Variants in AOPEP observed in about 807,000 individuals in gnomAD.
AOPEP encodes the protein aminopeptidase O.
AOPEP carries 77 observed loss-of-function variants against 98.1 expected under a neutral mutation model. That is an observed-to-expected ratio of 0.78 (90% confidence interval 0.65 to 0.95). The LOEUF is 0.95. Among genes scored for constraint, AOPEP ranks in the 40% least tolerant of loss-of-function variants. The pLI, the probability that AOPEP is intolerant of heterozygous loss-of-function variation, is 0.00. For missense variants in AOPEP, 1,024 were observed against 1,024.7 expected (o/e 1.00, Z 0.01); for synonymous variants, 346 against 365.3 (o/e 0.95, Z 0.60).
intron 13 of AOPEP, among the ~76,000 whole-genome samples, chr9:95,041,544 T>C (rs1381418310): frequency 6.6e-6 from 1 of 151,548 alleles, no homozygotes; most frequent in African/African-American, 2.4e-5. Context: ...ATGTGTTGAA[T>C]TGAACACAAC....
At chr9:94,951,614 C>T (rs758740237) in intron 7 of AOPEP, among the ~76,000 whole-genome samples, 15 of 152,184 alleles carry the variant, frequency 9.9e-5, no homozygotes, top group African/African-American at 1.7e-4. Flanking sequence ...CAGTTAGAAA[C>T]GAATCTGGCT....
the AOPEP span, among the ~76,000 whole-genome samples, chr9:95,130,939 CTT>C: frequency 6.6e-6 from 1 of 152,152 alleles, no homozygotes; most frequent in Non-Finnish European, 1.5e-5. Flanking sequence ...CCATTTGCTT[CTT>C]TTCTATTTTC....
intron 7 of AOPEP, among the ~76,000 whole-genome samples, chr9:94,944,997 C>G (rs1231116700): frequency 1.3e-5 from 2 of 152,120 alleles, no homozygotes; most frequent in Non-Finnish European, 2.9e-5. Flanking sequence ...GGTTGATCAA[C>G]AATCATCTGG....
At chr9:94,941,909 A>G (rs1320705242) in intron 7 of AOPEP, among the ~76,000 whole-genome samples, 1 of 152,198 alleles carries the variant, frequency 6.6e-6, no homozygotes, top group Non-Finnish European at 1.5e-5. Context: ...CAAAGCACAT[A>G]GTAAGAAAAT....
chr9:95,012,632 GTT>G (rs1336775909), intron 13 of AOPEP, among the ~76,000 whole-genome samples: 3 of 152,052 alleles, frequency 2.0e-5, no homozygotes, highest in Admixed American at 2.0e-4. Flanking sequence ...GCCTGCCATT[GTT>G]TCCATTCATC....
At chr9:94,835,842 A>G (rs956199124) in intron 5 of AOPEP, among the ~76,000 whole-genome samples, 3 of 152,178 alleles carry the variant, frequency 2.0e-5, no homozygotes, top group Non-Finnish European at 2.9e-5. Context: ...ACCATGGTTC[A>G]AAGGCTCCTT....
At chr9:94,915,754 C>T (rs1008022786) in intron 5 of AOPEP, among the ~76,000 whole-genome samples, 3 of 152,200 alleles carry the variant, frequency 2.0e-5, no homozygotes, top group Non-Finnish European at 4.4e-5. Flanking sequence ...GCTTCCTGAC[C>T]CTACCTTGGA....
chr9:95,081,766 A>G (rs2069814924), intron 15 of AOPEP, among the ~76,000 whole-genome samples: 1 of 152,182 alleles, frequency 6.6e-6, no homozygotes, highest in Admixed American at 6.5e-5. Context: ...AAGGATCACC[A>G]TGTCTGGACT....
At chr9:95,100,211 G>C in the AOPEP span, 10 of 223,090 alleles carry the variant, frequency 4.5e-5, no homozygotes, top group South Asian at 1.8e-4. Flanking sequence ...CATGTTATAT[G>C]AAGGCAATGA....
chr9:94,857,328 A>G lies in AOPEP; in HGVS notation c.1364+56326A>G, dbSNP rs2044348722. Among the ~76,000 whole-genome samples, 3 of 152,250 alleles carry G rather than the reference A, an allele frequency of 2.0e-5. No homozygotes were observed. In the South Asian group the frequency reaches 6.2e-4, roughly 32 times the overall value. On this transcript the variant is annotated intron_variant, in intron 5 of 16. Coordinates refer to ENST00000375315, the MANE Select transcript of AOPEP (RefSeq NM_001193329.3). Reference sequence around the variant, plus strand: ...GTTTTAACTGCTGCGAATTCACCTCATGTATGTTCATCTTAAACTGCAGAG... The same window carrying G: ...GTTTTAACTGCTGCGAATTCACCTCGTGTATGTTCATCTTAAACTGCAGAG...
intron 13 of AOPEP, among the ~76,000 whole-genome samples, chr9:95,016,669 A>G (rs964597214): frequency 5.9e-5 from 9 of 151,458 alleles, no homozygotes; most frequent in Non-Finnish European, 8.8e-5. Flanking sequence ...CTTAAGTCCA[A>G]TGGCATGATT....
At chr9:94,819,718 G>T (rs955173272) in intron 5 of AOPEP, among the ~76,000 whole-genome samples, 1 of 151,880 alleles carries the variant, frequency 6.6e-6, no homozygotes, top group Non-Finnish European at 1.5e-5. Context: ...CTACAGGCAT[G>T]TGCCACCATG....
intron 13 of AOPEP, among the ~76,000 whole-genome samples, chr9:95,012,885 A>T (rs567456067): frequency 1.3e-4 from 18 of 138,576 alleles, no homozygotes; most frequent in African/African-American, 3.5e-4. Flanking sequence ...TGCATTAAAA[A>T]TTTTTTTTTC....
At chr9:94,945,746 A>G (rs187196478) in intron 7 of AOPEP, among the ~76,000 whole-genome samples, 157 of 152,322 alleles carry the variant, frequency 1.0e-3, no homozygotes, top group South Asian at 2.5e-3. Flanking sequence ...TTGGTGTTCA[A>G]AACGGGCTTC....
At chr9:95,016,966 C>T (rs2063053870) in intron 13 of AOPEP, among the ~76,000 whole-genome samples, 2 of 150,522 alleles carry the variant, frequency 1.3e-5, no homozygotes. Flanking sequence ...CTACAAGTCA[C>T]ATAGCTCATG....
Position 94,924,114 on chromosome 9 carries a change from AGTGGCTG to A in AOPEP, c.1494_1500del (p.Trp499ValfsTer30). ...ATCGGGGCCCGAGACTGGACGGAGG[AGTGGCTG>A]AGTGAAGGCTTCGCCACTCACTTGG... On this transcript the variant is annotated frameshift_variant, in exon 6 of 17. Coordinates refer to ENST00000375315, the MANE Select transcript of AOPEP (RefSeq NM_001193329.3). LOFTEE classifies it high-confidence loss of function. The A allele has an allele frequency of 6.6e-7, 1 of 1,506,726 alleles. No individual in the cohort carries two copies. Among genetic ancestry groups the A allele is most frequent in the South Asian group, 1.3e-5 (1 of 77,438 alleles). 93.3% of individuals were successfully genotyped at this position (1,506,726 alleles called of 1,614,324 possible). A position where few individuals can be genotyped will look rare whatever the true frequency, so the allele number is the denominator to read the frequency against.
chr9:94,728,239 GCACACACACACACA>G (rs78505500), intron 1 of AOPEP, among the ~76,000 whole-genome samples: 1 of 146,512 alleles, frequency 6.8e-6, no homozygotes, highest in South Asian at 2.2e-4. Flanking sequence ...GTGCGCGCAT[GCACACACACACACA>G]CACACACACA....
chr9:95,112,705 C>A, the AOPEP span, among the ~76,000 whole-genome samples: 2 of 152,226 alleles, frequency 1.3e-5, no homozygotes, highest in South Asian at 4.1e-4. Context: ...AGGTTGGCAG[C>A]GTGACTGGAT....
At chr9:95,135,688 A>G in the AOPEP span, 5 of 604,712 alleles carry the variant, frequency 8.3e-6, no homozygotes, top group Admixed American at 1.5e-4. Flanking sequence ...TAATGTGAAT[A>G]TGCTTCCACT....
Sources: gnomAD v4.1 joint callset for allele counts (sites outside exome capture counted in the v4.1 genomes callset) on GRCh38, gnomAD v4.1.1 for gene constraint, MANE v1.5 for transcripts, NCBI Gene and HGNC (gene_info 2026-07-23, HGNC 2026-07-21) for gene names.